CRYBG2: variants seen among roughly 807,000 people sequenced by gnomAD.
CRYBG2 encodes beta/gamma crystallin domain-containing protein 2.
In CRYBG2, 106 loss-of-function variants were observed where a neutral mutation model predicts 153.4. That is an observed-to-expected ratio of 0.69 (90% confidence interval 0.59 to 0.81). The LOEUF is 0.81. Ranked by LOEUF, CRYBG2 falls within the 30% of genes least tolerant of loss-of-function variation. CRYBG2 has a pLI of 0.00. For missense variants in CRYBG2, 1,996 were observed against 2,112.0 expected, an observed-to-expected ratio of 0.95 and a Z score of 1.08; for synonymous variants, 851 against 877.8, an observed-to-expected ratio of 0.97 and a Z score of 0.54.
chr1:26,322,206 T>C lies in CRYBG2; in HGVS notation c.4855A>G (p.Ile1619Val). The change falls in exon 19 of 20, where the codon ATC becomes GTC. Residue 1619 changes from isoleucine to valine, a missense_variant. By Grantham distance (29) the Ile-to-Val change is conservative. Transcript: ENST00000308182. ...QTWSISESGHICSQMFEGQIL... is the reference protein window; with the variant it reads ...QTWSISESGHVCSQMFEGQIL... ...TGGCCTTCGAACATCTGGCTGCAGA[T>C]GTGGCCCGATTCACTGATGCTCCAC... The C allele has an allele frequency of 6.2e-7, 1 of 1,614,216 alleles. No homozygotes were observed. Among genetic ancestry groups the C allele is most frequent in the Non-Finnish European group, 8.5e-7 (1 of 1,180,020 alleles).
intron 15 of CRYBG2, among the ~76,000 whole-genome samples, chr1:26,329,475 T>C (rs7521956): frequency 0.81 from 119,032 of 146,814 alleles, 47,988 homozygotes; most frequent in Middle Eastern, 0.84. Context: ...CATGCGCAGC[T>C]TAGATTTTTT....
At chr1:26,328,520 G>A (rs2073960369) in intron 16 of CRYBG2, 188 bp from the exon 17 acceptor site, 3 of 1,147,876 alleles carry the variant, frequency 2.6e-6, no homozygotes, top group Non-Finnish European at 3.6e-6. Context: ...GGTTTTCAGG[G>A]TAAAGAAGGA....
Position 26,331,477 on chromosome 1 carries a change from A to G in CRYBG2, c.4314+12T>C, listed in dbSNP as rs2073995635. The G allele has an allele frequency of 1.1e-5, 17 of 1,606,464 alleles. 1 individual carries two copies. Among genetic ancestry groups the G allele is most frequent in the Non-Finnish European group, 1.4e-5 (16 of 1,174,052 alleles). ...CTTCCGGGATTGCCTGGAACCAGAC[A>G]TGGAAACTCACCAGGGATACCTTCT... On this transcript the variant is annotated intron_variant, in intron 15 of 19. Transcript: ENST00000308182.
In CRYBG2 at chr1:26,324,305, C is replaced by A; in HGVS notation, c.4584G>T (p.Arg1528=). The part of the protein sequence containing the change: ...VGSLYPIKQR[R]VYFRLWNAAL... Reference sequence around the variant, plus strand: ...CTGCATTCCAGAGGCGGAAATAAACCCGGCGCTGGTGGCAGAAAGAGGCTG... The same window carrying A: ...CTGCATTCCAGAGGCGGAAATAAACACGGCGCTGGTGGCAGAAAGAGGCTG... Residue 1528 remains arginine, a synonymous_variant, in exon 18 of 20, where the codon CGG becomes CGT. Transcript: ENST00000308182. The A allele has an allele frequency of 6.2e-7, 1 of 1,605,268 alleles. No homozygotes were observed. Among genetic ancestry groups the A allele is most frequent in the Non-Finnish European group, 8.5e-7 (1 of 1,178,492 alleles).
chr1:26,346,420 C>G lies in CRYBG2; in HGVS notation c.238G>C (p.Gly80Arg). Reference protein sequence around the residue: ...TQEEETVNCQGPRDTAGSKNF... With the variant: ...TQEEETVNCQRPRDTAGSKNF... ...TTGGAGCCAGCTGTATCCCGAGGGC[C>G]CTGGCAATTCACAGTCTCTTCTTCC... is the stretch of plus-strand genomic sequence containing the variant. The change falls in exon 2 of 20, where the codon GGC becomes CGC. Residue 80 changes from glycine to arginine, a missense_variant. Physicochemically the swap from Gly to Arg is moderately radical, Grantham distance 125. Coordinates refer to ENST00000308182, the MANE Select transcript of CRYBG2 (RefSeq NM_001039775.4). The surrounding 1 kb of genome is among the most constrained non-coding windows in gnomAD (Gnocchi z 4.9). The G allele has an allele frequency of 6.2e-7, 1 of 1,601,038 alleles. No homozygotes were observed.
chr1:26,322,396 C>T (rs564492316), intron 18 of CRYBG2, 73 bp from the exon 19 acceptor site: 6 of 1,506,320 alleles, frequency 4.0e-6, no homozygotes, highest in Non-Finnish European at 5.3e-6. Flanking sequence ...AACCCTTGAC[C>T]CATCTGCTCT....
Position 26,342,662 on chromosome 1 carries a change from G to T in CRYBG2, c.3204+92C>A, listed in dbSNP as rs1017572722. On this transcript the variant is annotated intron_variant, in intron 5 of 19. Transcript: ENST00000308182. ...GATCCACCTGCCTTGGCTTCCCAAA[G>T]TGCTGGCATTACAGGCGTGAGTCAC... 31 of 1,539,320 alleles carry T rather than the reference G, an allele frequency of 2.0e-5. No individual in the cohort carries two copies. The African/African-American group carries it at 3.1e-4, about 16-fold the overall frequency.
intron 15 of CRYBG2, among the ~76,000 whole-genome samples, chr1:26,329,926 G>A (rs938559427): frequency 2.4e-4 from 37 of 151,980 alleles, no homozygotes; most frequent in African/African-American, 2.7e-4. Context: ...TTGTAGAGAC[G>A]GGGTTTCATC....
In CRYBG2 at chr1:26,339,287, C is replaced by A. The variant is rs746839064; in HGVS notation, c.3344+3G>T. On this transcript the variant is annotated splice_donor_region_variant and intron_variant, in intron 6 of 19. Transcript: ENST00000308182. ...AGGGGATTCTAGAATAGACCAGACT[C>A]ACAGTCCTGCAGAGACGGTGGCAGA... 2 of 1,612,110 alleles carry A rather than the reference C, an allele frequency of 1.2e-6. No homozygotes were observed. Among genetic ancestry groups the A allele is most frequent in the Non-Finnish European group, 1.7e-6 (2 of 1,179,328 alleles).
At chr1:26,342,592 G>A (rs1250508219) in intron 5 of CRYBG2, among the ~76,000 whole-genome samples, 162 bp downstream of exon 5, 2 of 152,160 alleles carry the variant, frequency 1.3e-5, no homozygotes, top group Admixed American at 6.6e-5. Context: ...TAGAGACGGG[G>A]TTTCACATGT....
At chr1:26,334,978 A>C (rs1173851998) in intron 14 of CRYBG2, among the ~76,000 whole-genome samples, 2 of 152,162 alleles carry the variant, frequency 1.3e-5, no homozygotes, top group Non-Finnish European at 2.9e-5. Flanking sequence ...GAAACTCCCA[A>C]CAGCATTCAG....
Position 26,345,204 on chromosome 1 carries a change from C to T in CRYBG2, c.1454G>A (p.Ser485Asn), listed in dbSNP as rs780620483. Reference protein sequence around the residue: ...PTRKEVVQGSSASAASSPTWK... With the variant: ...PTRKEVVQGSNASAASSPTWK... ...GGTGGGGGACGAGGCAGCAGAAGCA[C>T]TGGACCCCTGCACCACCTCCTTCCG... is the stretch of plus-strand genomic sequence containing the variant. The change falls in exon 2 of 20, where the codon AGT (serine) becomes AAT (asparagine). Residue 485 changes from serine (S) to asparagine (N), a missense_variant. Ser to Asn is a conservative substitution (Grantham distance 46). Coordinates refer to ENST00000308182, the MANE Select transcript of CRYBG2 (RefSeq NM_001039775.4). 1 of 1,448,402 alleles carries T rather than the reference C, an allele frequency of 6.9e-7. No individual in the cohort carries two copies. Among genetic ancestry groups the T allele is most frequent in the South Asian group, 1.2e-5 (1 of 80,628 alleles). The allele number at this position is 1,448,402 out of a possible 1,614,324, so 89.7% of individuals were successfully genotyped here.
intron 15 of CRYBG2, among the ~76,000 whole-genome samples, chr1:26,331,164 G>A (rs1001627890): frequency 2.0e-5 from 3 of 152,178 alleles, no homozygotes; most frequent in Non-Finnish European, 4.4e-5. Flanking sequence ...CCCAAGCCCT[G>A]AGTGTTAGTC....
chr1:26,334,863 A>G (rs2074035873), intron 14 of CRYBG2, among the ~76,000 whole-genome samples: 1 of 152,164 alleles, frequency 6.6e-6, no homozygotes, highest in South Asian at 2.1e-4. Context: ...CAGAGGCTGC[A>G]GTGAGCTGAG....
At position 26,336,650 on chromosome 1, in the gene CRYBG2, C is replaced by A; in HGVS notation, c.3994G>T (p.Gly1332Cys). The change falls in exon 12 of 20, where the codon GGC becomes TGC. Residue 1332 changes from glycine (G) to cysteine (C), a missense_variant. Coordinates refer to ENST00000308182, the MANE Select transcript of CRYBG2 (RefSeq NM_001039775.4). The surrounding 1 kb of genome is among the most constrained non-coding windows in gnomAD (Gnocchi z 4.9). ...KGVYRNCEDW[G>C]AGNSTLASLQ... ...GAGGCGAGGGTGCTGTTGCCAGCGCCCCAGTCCTCGCAGTTACGATACACG... is the reference window on the plus strand; with the variant it reads ...GAGGCGAGGGTGCTGTTGCCAGCGCACCAGTCCTCGCAGTTACGATACACG... The A allele has an allele frequency of 2.6e-6, 4 of 1,551,976 alleles. No individual in the cohort carries two copies. The highest frequency in any genetic ancestry group is 3.5e-6 in the Non-Finnish European group (4 of 1,147,430).
rs2074057703 is a variant in CRYBG2 at position 26,336,489 on chromosome 1, C to T, written c.4038+117G>A. On this transcript the variant is annotated intron_variant, in intron 12 of 19. Coordinates refer to ENST00000308182, the MANE Select transcript of CRYBG2 (RefSeq NM_001039775.4). The surrounding 1 kb of genome is among the most constrained non-coding windows in gnomAD (Gnocchi z 4.9). ...CCTCGGCCCCGCCCCCTTCTAAGGCCCCGCCCCAAGCGCCCAGGCAGGTCC... is the reference window on the plus strand; with the variant it reads ...CCTCGGCCCCGCCCCCTTCTAAGGCTCCGCCCCAAGCGCCCAGGCAGGTCC... The T allele has an allele frequency of 6.5e-7, 1 of 1,548,100 alleles. No homozygotes were observed. The highest frequency in any genetic ancestry group is 8.7e-7 in the Non-Finnish European group (1 of 1,145,110).
chr1:26,337,590 T>C lies in CRYBG2; in HGVS notation c.3592A>G (p.Ser1198Gly), dbSNP rs1348725004. Residue 1198 changes from serine (S) to glycine (G), a missense_variant, in exon 9 of 20, where the codon AGC (serine) becomes GGC (glycine). Ser to Gly is a moderately conservative substitution (Grantham distance 56, BLOSUM62 0). Transcript: ENST00000308182. ...DIYNLQQPEDSQSPHLASVGS... is the reference protein window; with the variant it reads ...DIYNLQQPEDGQSPHLASVGS... The stretch of plus-strand genomic sequence containing the variant: ...ACAGAGGCCAGGTGGGGGCTCTGGC[T>C]GTCCTCTGGCTGCTGAAGGTTGTAG... 1.9e-6 allele frequency: 3 copies of C among 1,613,248 alleles called. No homozygotes were observed. Among genetic ancestry groups the C allele is most frequent in the South Asian group, 1.1e-5 (1 of 91,062 alleles).
At chr1:26,324,394 G>A (rs2073898054) in intron 17 of CRYBG2, 84 bp from the exon 18 acceptor site, 5 of 1,404,618 alleles carry the variant, frequency 3.6e-6, no homozygotes, top group Non-Finnish European at 4.7e-6. Context: ...GGACTCTCCA[G>A]TATCAGGCTC....
At chr1:26,348,021 A>T (rs2074246278) in intron 1 of CRYBG2, among the ~76,000 whole-genome samples, 1 of 151,872 alleles carries the variant, frequency 6.6e-6, no homozygotes, top group Non-Finnish European at 1.5e-5. Context: ...GTAGCCTTGA[A>T]CTCCTGGGCT....
Sources: gnomAD v4.1 joint callset for allele counts (sites outside exome capture counted in the v4.1 genomes callset) on GRCh38, gnomAD v4.1.1 for gene constraint, Gnocchi (gnomAD v3.1) non-coding constraint, MANE v1.5 for transcripts, NCBI Gene and HGNC (gene_info 2026-07-23, HGNC 2026-07-21) for gene names.